ADAMTS16: variants seen among roughly 807,000 people sequenced by gnomAD.
ADAMTS16 encodes ADAM metallopeptidase with thrombospondin type 1 motif 16.
A neutral mutation model predicts 145.8 loss-of-function variants in ADAMTS16; 94 were observed. That is an observed-to-expected ratio of 0.64 (90% CI 0.55 to 0.77). The LOEUF is 0.77. ADAMTS16 is among the 30% of genes least tolerant of loss of function. The pLI is 0.00. For synonymous variants in ADAMTS16, 659 were observed against 604.3 expected, an observed-to-expected ratio of 1.09 and a Z score of -1.33; for missense variants, 1,585 against 1,591.5, an observed-to-expected ratio of 1.00 and a Z score of 0.07.
Position 5,220,171 on chromosome 5 carries a change from T to C in ADAMTS16, c.1606-2618T>C, listed in dbSNP as rs1408038802. ...AATAATTTAACTTTTTTTTTTTTTT[T>C]TTTTTTGAGATGGAGTCTCACTCTG... On this transcript the variant is annotated intron_variant, in intron 10 of 22. Transcript: ENST00000274181. Among the ~76,000 whole-genome samples, 7 of 149,264 alleles carry C rather than the reference T, an allele frequency of 4.7e-5. 1 individual carries two copies. The East Asian group carries it at 7.8e-4, about 17-fold the overall frequency.
intron 17 of ADAMTS16, among the ~76,000 whole-genome samples, chr5:5,256,697 G>A (rs1215094657): frequency 5.3e-5 from 8 of 152,152 alleles, no homozygotes; most frequent in South Asian, 2.1e-4. Flanking sequence ...TTAAGAGACC[G>A]TACCTTGTGC....
intron 18 of ADAMTS16, among the ~76,000 whole-genome samples, chr5:5,268,003 G>A (rs1370608684): frequency 6.6e-6 from 1 of 152,208 alleles, no homozygotes; most frequent in African/African-American, 2.4e-5. Context: ...GCCAGGAAGA[G>A]ACACTTCAGG....
chr5:5,215,889 TA>T lies in ADAMTS16; in HGVS notation c.1605+6644del, dbSNP rs1560952820. Among the ~76,000 whole-genome samples, 189 of 91,984 alleles carry T rather than the reference TA, an allele frequency of 2.1e-3. 3 individuals carry two copies. The highest frequency in any genetic ancestry group is 5.8e-3 in the African/African-American group (179 of 30,858). 60.3% of individuals were successfully genotyped at this position (91,984 alleles called of 152,430 possible). On this transcript the variant is annotated intron_variant, in intron 10 of 22. Transcript: ENST00000274181. ...GTATGTGTATATATATATATATATA[TA>T]TATATATATATATATATATATATAT...
At chr5:5,233,544 A>G (rs1737002366) in intron 12 of ADAMTS16, among the ~76,000 whole-genome samples, 1 of 151,978 alleles carries the variant, frequency 6.6e-6, no homozygotes. Flanking sequence ...TTATATGTCC[A>G]TGTGTTCTCA....
At chr5:5,183,889 G>C (rs1735416795) in intron 4 of ADAMTS16, among the ~76,000 whole-genome samples, 1 of 152,222 alleles carries the variant, frequency 6.6e-6, no homozygotes, top group Non-Finnish European at 1.5e-5. Context: ...AACACATTCT[G>C]TATTTGAAAA....
At chr5:5,196,139 C>G (rs1368367290) in intron 8 of ADAMTS16, among the ~76,000 whole-genome samples, 1 of 149,312 alleles carries the variant, frequency 6.7e-6, no homozygotes, top group Non-Finnish European at 1.5e-5. Flanking sequence ...GGCAGAGTAA[C>G]CTCAGGAAGT....
chr5:5,248,425 C>G (rs1228229020), intron 17 of ADAMTS16, among the ~76,000 whole-genome samples: 1 of 152,250 alleles, frequency 6.6e-6, no homozygotes, highest in African/African-American at 2.4e-5. Flanking sequence ...TGTCTTTCCA[C>G]AGCTAATGGA....
chr5:5,155,316 C>A (rs1734573477), intron 3 of ADAMTS16, among the ~76,000 whole-genome samples: 1 of 152,160 alleles, frequency 6.6e-6, no homozygotes, highest in Non-Finnish European at 1.5e-5. Flanking sequence ...CATTCCTATC[C>A]CTGTTTCCCA....
chr5:5,185,769 AG>A (rs1735478790), intron 4 of ADAMTS16, among the ~76,000 whole-genome samples: 1 of 152,218 alleles, frequency 6.6e-6, no homozygotes, highest in South Asian at 2.1e-4. Context: ...ACCAGATGTT[AG>A]GAGTTACAGC....
intron 18 of ADAMTS16, among the ~76,000 whole-genome samples, chr5:5,302,460 A>G (rs1393861809): frequency 6.6e-6 from 1 of 152,220 alleles, no homozygotes; most frequent in Non-Finnish European, 1.5e-5. Context: ...CCAACCACTA[A>G]AGAATGAAAA....
At chr5:5,282,943 C>T (rs1042780274) in intron 18 of ADAMTS16, among the ~76,000 whole-genome samples, 12 of 150,402 alleles carry the variant, frequency 8.0e-5, no homozygotes, top group South Asian at 2.1e-4. Flanking sequence ...TTATTAATAT[C>T]GGAAATAAAA....
chr5:5,248,363 A>G (rs977697762), intron 17 of ADAMTS16, among the ~76,000 whole-genome samples: 1 of 152,216 alleles, frequency 6.6e-6, no homozygotes, highest in Admixed American at 6.5e-5. Context: ...AAAAGATGAA[A>G]GCAGCGCCCA....
chr5:5,250,186 A>C (rs775977743), intron 17 of ADAMTS16, among the ~76,000 whole-genome samples: 1 of 152,156 alleles, frequency 6.6e-6, no homozygotes, highest in Non-Finnish European at 1.5e-5. Flanking sequence ...GTCCAGGCTT[A>C]AGGGTGGAGC....
At chr5:5,266,601 G>A (rs943121305) in intron 18 of ADAMTS16, among the ~76,000 whole-genome samples, 2 of 152,022 alleles carry the variant, frequency 1.3e-5, no homozygotes, top group East Asian at 1.9e-4. Flanking sequence ...CTTTCTTGCC[G>A]CCTCCCCCAT....
intron 20 of ADAMTS16, 104 bp downstream of exon 20, chr5:5,303,870 A>G (rs904028522): frequency 3.8e-6 from 5 of 1,326,650 alleles, no homozygotes; most frequent in Non-Finnish European, 5.2e-6. Flanking sequence ...TTCTCCCCTT[A>G]TATCTCTTCT....
At chr5:5,283,669 T>A (rs892512522) in intron 18 of ADAMTS16, among the ~76,000 whole-genome samples, 5 of 152,252 alleles carry the variant, frequency 3.3e-5, no homozygotes, top group Non-Finnish European at 5.9e-5. Context: ...ACTGATGCTC[T>A]GTGTCTTTAT....
At chr5:5,215,994 A>G (rs6889559) in intron 10 of ADAMTS16, among the ~76,000 whole-genome samples, 9,579 of 149,328 alleles carry the variant, frequency 0.064, 1,046 homozygotes, top group African/African-American at 0.23. Context: ...TTGTGCTGCT[A>G]TAAACATGTA....
rs1360257667 is a variant in ADAMTS16 at position 5,303,420 on chromosome 5, G to A, written c.2942G>A (p.Cys981Tyr). The change falls in exon 19 of 23, where the codon TGC becomes TAC. Residue 981 changes from cysteine to tyrosine, a missense_variant. Cys to Tyr is a radical substitution (Grantham distance 194). Around this residue, in one of 3 missense-constraint regions of ADAMTS16, gnomAD observed 834 missense variants for 811.7 expected, o/e 1.03. Coordinates refer to ENST00000274181, the MANE Select transcript of ADAMTS16 (RefSeq NM_139056.4). ...PQPAPSSRQA[C>Y]NSQSCPPAWS... ...CCTGCTCCCTCCAGCAGGCAGGCCT[G>A]CAACTCTCAGAGCTGCCCACCTGCA... 1 of 1,609,916 alleles carries A rather than the reference G, an allele frequency of 6.2e-7. No homozygotes were observed.
At chr5:5,276,047 A>G (rs1358327384) in intron 18 of ADAMTS16, among the ~76,000 whole-genome samples, 1 of 151,992 alleles carries the variant, frequency 6.6e-6, no homozygotes, top group Admixed American at 6.6e-5. Flanking sequence ...TTAGTAGAGA[A>G]GGGGTTTTGC....
Sources: gnomAD v4.1 joint callset for allele counts (sites outside exome capture counted in the v4.1 genomes callset) on GRCh38, gnomAD v4.1.1 for gene constraint, gnomAD v4.1.1 regional missense constraint, MANE v1.5 for transcripts, NCBI Gene and HGNC (gene_info 2026-07-23, HGNC 2026-07-21) for gene names.